SCAPER: variants seen among roughly 807,000 people sequenced by gnomAD.
SCAPER encodes S phase cyclin A-associated protein in the endoplasmic reticulum.
A neutral mutation model predicts 182.2 loss-of-function variants in SCAPER; 98 were observed. The ratio of observed to expected loss-of-function variants is 0.54; its 90% CI spans 0.46 to 0.64. SCAPER has a LOEUF of 0.64. Ranked by LOEUF, SCAPER falls within the 30% of genes least tolerant of loss-of-function variation. SCAPER has a pLI of 0.00. For synonymous variants in SCAPER, 605 were observed against 564.6 expected, an observed-to-expected ratio of 1.07 and a Z score of -1.01; for missense variants, 1,432 against 1,690.0, an observed-to-expected ratio of 0.85 and a Z score of 2.68.
At chr15:76,513,643 A>C (rs576023698) in intron 23 of SCAPER, among the ~76,000 whole-genome samples, 1 of 152,248 alleles carries the variant, frequency 6.6e-6, no homozygotes, top group Non-Finnish European at 1.5e-5. Context: ...ATCACTTGGC[A>C]CTTCTTATAC....
In SCAPER at chr15:76,524,692, T is replaced by TG. The variant is rs1181023653; in HGVS notation, c.2839-19719_2839-19718insC. 3.3e-3 allele frequency among the ~76,000 whole-genome samples: 239 copies of TG among 71,756 alleles called. 2 individuals are homozygous for TG. Among genetic ancestry groups the TG allele is most frequent in the Non-Finnish European group, 5.6e-3 (184 of 33,058 alleles). 47.1% of individuals were successfully genotyped at this position (71,756 alleles called of 152,430 possible). ...TGGAGTTGTGTTTTTTTGTTCTGTT[T>TG]TTTTTTTTTTTTTTTTTTTTTTTTT... On this transcript the variant is annotated intron_variant, in intron 23 of 31. Transcript: ENST00000563290.
At chr15:76,620,097 T>A (rs2051884624) in intron 22 of SCAPER, among the ~76,000 whole-genome samples, 2 of 152,002 alleles carry the variant, frequency 1.3e-5, no homozygotes, top group South Asian at 4.2e-4. Context: ...TATATATAAG[T>A]TTTCTCTTAA....
intron 20 of SCAPER, among the ~76,000 whole-genome samples, chr15:76,684,761 C>T (rs2057930514): frequency 6.6e-6 from 1 of 151,610 alleles, no homozygotes. Flanking sequence ...ATTAATAATA[C>T]TAAAGGTTGT....
At chr15:76,574,771 C>T (rs919075354) in intron 22 of SCAPER, among the ~76,000 whole-genome samples, 2 of 152,114 alleles carry the variant, frequency 1.3e-5, no homozygotes, top group Admixed American at 6.6e-5. Flanking sequence ...TTTACTTAGA[C>T]GACAGAACAT....
intron 6 of SCAPER, among the ~76,000 whole-genome samples, chr15:76,803,355 C>A (rs1331505106): frequency 6.6e-6 from 1 of 152,196 alleles, no homozygotes; most frequent in Non-Finnish European, 1.5e-5. Context: ...ATTTAAATGT[C>A]ACCTCCTCAG....
At chr15:76,629,002 G>T (rs2052841313) in intron 21 of SCAPER, among the ~76,000 whole-genome samples, 4 of 152,174 alleles carry the variant, frequency 2.6e-5, no homozygotes, top group African/African-American at 9.7e-5. Context: ...CTTGTTAGCT[G>T]TATTCCTAGT....
chr15:76,410,839 T>C (rs1361901300), intron 26 of SCAPER, among the ~76,000 whole-genome samples: 1 of 151,310 alleles, frequency 6.6e-6, no homozygotes, highest in East Asian at 1.9e-4. Flanking sequence ...AGATCAATTA[T>C]TCAACATTTT....
chr15:76,664,491 G>T (rs2056422573), intron 21 of SCAPER, among the ~76,000 whole-genome samples: 1 of 152,066 alleles, frequency 6.6e-6, no homozygotes, highest in South Asian at 2.1e-4. Context: ...GGTTTTTGTG[G>T]CAAGAAGAAA....
chr15:76,597,751 T>C lies in SCAPER; in HGVS notation c.2712-23467A>G, dbSNP rs766010740. Reference sequence around the variant, plus strand: ...GTTGAGAAAACTGGCTAGCCATATGTAGAGAACTGAAATTGGACCCCTTCC... The same window carrying C: ...GTTGAGAAAACTGGCTAGCCATATGCAGAGAACTGAAATTGGACCCCTTCC... On this transcript the variant is annotated intron_variant, in intron 22 of 31. Transcript: ENST00000563290. Among the ~76,000 whole-genome samples the C allele has an allele frequency of 4.1e-4, 50 of 120,784 alleles. 12 individuals carry two copies. Among genetic ancestry groups the C allele is most frequent in the Non-Finnish European group, 8.2e-4 (41 of 49,746 alleles). The allele number at this position is 120,784 out of a possible 152,430, so 79.2% of individuals were successfully genotyped here.
intron 23 of SCAPER, among the ~76,000 whole-genome samples, chr15:76,508,565 T>C (rs1400955878): frequency 6.6e-6 from 1 of 152,214 alleles, no homozygotes; most frequent in East Asian, 1.9e-4. Flanking sequence ...AAAATTGGTT[T>C]TACCAGTCTT....
intron 25 of SCAPER, among the ~76,000 whole-genome samples, chr15:76,463,598 A>C (rs2049355897): frequency 6.6e-6 from 1 of 152,158 alleles, no homozygotes; most frequent in South Asian, 2.1e-4. Flanking sequence ...AATATTTCAT[A>C]AGGAACAGGT....
chr15:76,540,993 C>T (rs1233501364), intron 23 of SCAPER, among the ~76,000 whole-genome samples: 6 of 151,622 alleles, frequency 4.0e-5, no homozygotes, highest in South Asian at 2.1e-4. Context: ...TGGTGATGGG[C>T]GCCTGTAATC....
In SCAPER at chr15:76,596,115, A is replaced by T. The variant is rs540079836; in HGVS notation, c.2712-21831T>A. On this transcript the variant is annotated intron_variant, in intron 22 of 31. Transcript: ENST00000563290. ...AATCAAATAGGCACAATAAACAATG[A>T]CAAAGAAAAGATCACCACTTATCCC... Among the ~76,000 whole-genome samples, 7 of 121,122 alleles carry T rather than the reference A, an allele frequency of 5.8e-5. 2 individuals carry two copies. The highest frequency in any genetic ancestry group is 1.8e-4 in the African/African-American group (7 of 39,790). The allele number at this position is 121,122 out of a possible 152,430, so 79.5% of individuals were successfully genotyped here. A position where few individuals can be genotyped will look rare whatever the true frequency, so the allele number is the denominator to read the frequency against.
At chr15:76,575,349 TCATA>T (rs2047739422) in intron 22 of SCAPER, among the ~76,000 whole-genome samples, 1 of 152,174 alleles carries the variant, frequency 6.6e-6, no homozygotes, top group Non-Finnish European at 1.5e-5. Context: ...AAGGTTTGCT[TCATA>T]CATTCCCCAC....
At chr15:76,458,543 A>G (rs539705663) in intron 25 of SCAPER, among the ~76,000 whole-genome samples, 1 of 152,188 alleles carries the variant, frequency 6.6e-6, no homozygotes, top group South Asian at 2.1e-4. Flanking sequence ...TTCTAGCTTT[A>G]AAAACCCAAT....
chr15:76,525,201 G>C (rs904809924), intron 23 of SCAPER, among the ~76,000 whole-genome samples: 2 of 151,992 alleles, frequency 1.3e-5, no homozygotes, highest in African/African-American at 4.8e-5. Context: ...TTCCTGCATA[G>C]TAATTTTGAT....
At chr15:76,494,157 A>T (rs2040270911) in intron 24 of SCAPER, among the ~76,000 whole-genome samples, 1 of 152,204 alleles carries the variant, frequency 6.6e-6, no homozygotes, top group Admixed American at 6.5e-5. Context: ...TTCCAGTTCC[A>T]TGTCTTCATC....
At chr15:76,607,868 C>T (rs2050590370) in intron 22 of SCAPER, among the ~76,000 whole-genome samples, 1 of 152,212 alleles carries the variant, frequency 6.6e-6, no homozygotes. Context: ...TCAGCTCCAT[C>T]AGGTCCTCTA....
chr15:76,677,378 CTG>C (rs998898073), intron 20 of SCAPER, among the ~76,000 whole-genome samples: 1 of 151,874 alleles, frequency 6.6e-6, no homozygotes, highest in African/African-American at 2.4e-5. Flanking sequence ...GAGCACTAAA[CTG>C]TGAGTCAAGA....
Sources: allele counts gnomAD v4.1 joint callset (sites outside exome capture counted in the v4.1 genomes callset), GRCh38; gene constraint gnomAD v4.1.1; transcripts MANE v1.5; gene names NCBI Gene and HGNC (gene_info 2026-07-23, HGNC 2026-07-21).